CNTN5: variants seen among roughly 807,000 people sequenced by gnomAD.
CNTN5 encodes contactin-5.
In CNTN5, 77 loss-of-function variants were observed where a neutral mutation model predicts 129.1. The observed-to-expected ratio is 0.60, with a 90% confidence interval of 0.50 to 0.72. CNTN5 has a LOEUF of 0.72. Among genes scored for constraint, CNTN5 ranks in the 30% least tolerant of loss-of-function variants. The pLI is 0.00. For synonymous variants in CNTN5, 509 were observed against 465.6 expected (o/e 1.09, Z -1.20); for missense variants, 1,478 against 1,328.8 (o/e 1.11, Z -1.75).
intron 8 of CNTN5, among the ~76,000 whole-genome samples, chr11:99,971,948 G>GAA (rs202141022): frequency 6.9e-6 from 1 of 145,610 alleles, no homozygotes. Context: ...CAATGCTTAA[G>GAA]AAAAAAAAAC....
chr11:99,609,060 C>T (rs1012066144), intron 3 of CNTN5, among the ~76,000 whole-genome samples: 1 of 152,140 alleles, frequency 6.6e-6, no homozygotes, highest in African/African-American at 2.4e-5. Flanking sequence ...CCAAATGTCT[C>T]CCTTTCTTCC....
At chr11:99,114,145 T>A (rs1291304868) in intron 1 of CNTN5, among the ~76,000 whole-genome samples, 1 of 152,216 alleles carries the variant, frequency 6.6e-6, no homozygotes, top group Non-Finnish European at 1.5e-5. Context: ...ACATAGAGTA[T>A]CTTCATGATA....
chr11:100,118,113 T>A (rs1169656048), intron 13 of CNTN5, among the ~76,000 whole-genome samples: 1 of 151,806 alleles, frequency 6.6e-6, no homozygotes, highest in East Asian at 1.9e-4. Context: ...ATATCTAACG[T>A]CAAATCTATG....
At chr11:99,995,890 A>T (rs1304862091) in intron 8 of CNTN5, among the ~76,000 whole-genome samples, 2 of 152,128 alleles carry the variant, frequency 1.3e-5, no homozygotes, top group African/African-American at 2.4e-5. Flanking sequence ...ATCCAGTCTC[A>T]CTGCTTCATC....
intron 1 of CNTN5, among the ~76,000 whole-genome samples, chr11:99,087,515 A>G (rs565662185): frequency 1.3e-5 from 2 of 152,304 alleles, no homozygotes; most frequent in East Asian, 3.9e-4. Context: ...AACAATTGCA[A>G]TGTTGCAGGA....
rs188501026 is a variant in CNTN5, at chr11:99,953,593, T to C, written c.674-3213T>C. 2.1e-3 allele frequency among the ~76,000 whole-genome samples: 313 copies of C among 152,312 alleles called. 1 individual carries two copies. Among genetic ancestry groups the C allele is most frequent in the African/African-American group, 7.2e-3 (301 of 41,578 alleles). The stretch of plus-strand genomic sequence containing the variant: ...TTGGAAGCAAGGTACATTTTTTATA[T>C]GTTACAGAAGTAGACCCTAAAGTCT... On this transcript the variant is annotated intron_variant, in intron 7 of 24. Transcript: ENST00000524871.
intron 1 of CNTN5, among the ~76,000 whole-genome samples, chr11:99,276,090 A>G (rs1452697218): frequency 6.6e-6 from 1 of 151,658 alleles, no homozygotes; most frequent in Non-Finnish European, 1.5e-5. Context: ...CTGCTCTCAC[A>G]AGTTCTTCAA....
chr11:99,356,344 A>G (rs1215322419), intron 2 of CNTN5, among the ~76,000 whole-genome samples: 1 of 152,180 alleles, frequency 6.6e-6, no homozygotes, highest in African/African-American at 2.4e-5. Context: ...TATGTGATTG[A>G]CACTCAGCAT....
chr11:99,284,280 T>G (rs1863827279), intron 1 of CNTN5, among the ~76,000 whole-genome samples: 1 of 152,032 alleles, frequency 6.6e-6, no homozygotes, highest in Non-Finnish European at 1.5e-5. Context: ...CGTACACACA[T>G]GCACACAAAT....
chr11:100,115,751 A>AT (rs373857961), intron 13 of CNTN5, among the ~76,000 whole-genome samples: 3 of 152,012 alleles, frequency 2.0e-5, no homozygotes, highest in South Asian at 2.1e-4. Context: ...AGATTGTTCT[A>AT]TTTTTTCCTA....
intron 7 of CNTN5, among the ~76,000 whole-genome samples, chr11:99,952,257 G>A (rs1366678128): frequency 1.3e-5 from 2 of 152,094 alleles, no homozygotes; most frequent in East Asian, 3.9e-4. Context: ...GAAAATAATT[G>A]TAGTGAAAAT....
rs558526578 is a variant in CNTN5 at position 99,559,473 on chromosome 11, T to C, written c.55+3204T>C. Among the ~76,000 whole-genome samples, 21 of 152,102 alleles carry C rather than the reference T, an allele frequency of 1.4e-4. No homozygotes were observed. The East Asian group carries it at 3.7e-3, about 27-fold the overall frequency. On this transcript the variant is annotated intron_variant, in intron 3 of 24. Coordinates refer to ENST00000524871, the MANE Select transcript of CNTN5 (RefSeq NM_014361.4). The stretch of plus-strand genomic sequence containing the variant: ...CAGGCAACCTTATATTAAAAATGAA[T>C]CCACAATTAAAACAACAATGATATA...
chr11:100,140,232 G>A (rs1163124640), intron 13 of CNTN5, among the ~76,000 whole-genome samples: 1 of 152,192 alleles, frequency 6.6e-6, no homozygotes, highest in Non-Finnish European at 1.5e-5. Context: ...AATTTTAAAA[G>A]AAATATGCCA....
At chr11:99,894,170 A>G (rs1029204159) in intron 6 of CNTN5, among the ~76,000 whole-genome samples, 2 of 152,142 alleles carry the variant, frequency 1.3e-5, no homozygotes, top group Non-Finnish European at 2.9e-5. Flanking sequence ...TCTGGAGCCA[A>G]ATATATTGCT....
At chr11:100,261,451 A>G (rs984223950) in intron 17 of CNTN5, among the ~76,000 whole-genome samples, 2 of 152,230 alleles carry the variant, frequency 1.3e-5, no homozygotes, top group African/African-American at 4.8e-5. Flanking sequence ...AAACTACTTT[A>G]AATTTCATGT....
chr11:100,272,162 A>G (rs1252139093), intron 18 of CNTN5, among the ~76,000 whole-genome samples: 1 of 152,136 alleles, frequency 6.6e-6, no homozygotes, highest in African/African-American at 2.4e-5. Context: ...TCTCAAATAA[A>G]AGTGCACTGA....
chr11:99,687,256 T>G (rs1953835523), intron 3 of CNTN5, among the ~76,000 whole-genome samples: 1 of 152,048 alleles, frequency 6.6e-6, no homozygotes. Context: ...CAAGAACCCC[T>G]CAACCCACAG....
chr11:99,473,687 T>C (rs1945262888), intron 2 of CNTN5, among the ~76,000 whole-genome samples: 1 of 152,074 alleles, frequency 6.6e-6, no homozygotes, highest in Non-Finnish European at 1.5e-5. Flanking sequence ...GTCTTTGACT[T>C]AGAGACTCTA....
At chr11:99,039,907 T>C (rs1863920883) in intron 1 of CNTN5, among the ~76,000 whole-genome samples, 1 of 152,142 alleles carries the variant, frequency 6.6e-6, no homozygotes. Flanking sequence ...GTGTAGGAGC[T>C]CAGAGTATTA....
Sources: allele counts gnomAD v4.1 joint callset (sites outside exome capture counted in the v4.1 genomes callset), GRCh38; gene constraint gnomAD v4.1.1; transcripts MANE v1.5; gene names NCBI Gene and HGNC (gene_info 2026-07-23, HGNC 2026-07-21).